Variants in SERGEF observed in about 807,000 individuals in gnomAD.
SERGEF encodes the protein secretion-regulating guanine nucleotide exchange factor.
SERGEF carries 51 observed loss-of-function variants against 50.0 expected under a neutral mutation model. That is an observed-to-expected ratio of 1.02 (90% CI 0.81 to 1.29). SERGEF has a LOEUF of 1.29. Among genes scored for constraint, SERGEF ranks in the 50% most tolerant of loss-of-function variants. SERGEF has a pLI of 0.00. For synonymous variants in SERGEF, 205 were observed against 212.4 expected, an observed-to-expected ratio of 0.97 and a Z score of 0.30; for missense variants, 521 against 557.0, an observed-to-expected ratio of 0.94 and a Z score of 0.65.
intron 7 of SERGEF, among the ~76,000 whole-genome samples, chr11:17,989,044 A>G (rs904953288): frequency 9.9e-5 from 15 of 152,234 alleles, no homozygotes; most frequent in African/African-American, 3.6e-4. Flanking sequence ...TTTATGCAAC[A>G]TCTACCATGT....
At chr11:17,829,764 A>G (rs1850261534) in intron 10 of SERGEF, among the ~76,000 whole-genome samples, 1 of 152,228 alleles carries the variant, frequency 6.6e-6, no homozygotes, top group Non-Finnish European at 1.5e-5. Context: ...TAGGGGTGAC[A>G]ATGTAAACTA....
intron 9 of SERGEF, among the ~76,000 whole-genome samples, chr11:17,915,338 T>C (rs1433930976): frequency 6.6e-6 from 1 of 152,182 alleles, no homozygotes; most frequent in African/African-American, 2.4e-5. Flanking sequence ...CATCACAAGA[T>C]CACAGAATAT....
intron 9 of SERGEF, among the ~76,000 whole-genome samples, chr11:17,955,123 T>C (rs566646432): frequency 6.6e-6 from 1 of 152,360 alleles, no homozygotes; most frequent in Admixed American, 6.5e-5. Context: ...GTTTATGTTG[T>C]CCCTCGGCCT....
At chr11:17,992,504 C>G (rs1243017573) in intron 7 of SERGEF, among the ~76,000 whole-genome samples, 1 of 152,040 alleles carries the variant, frequency 6.6e-6, no homozygotes, top group East Asian at 1.9e-4. Flanking sequence ...CCCTCATAAT[C>G]GTAGGTATAT....
At chr11:17,804,034 C>CT (rs1421318407) in intron 10 of SERGEF, among the ~76,000 whole-genome samples, 1 of 152,206 alleles carries the variant, frequency 6.6e-6, no homozygotes, top group Non-Finnish European at 1.5e-5. Context: ...GATCAGACAC[C>CT]TAGTGGGGCC....
intron 1 of SERGEF, 67 bp from the exon 2 acceptor site, chr11:18,008,143 C>CT (rs1854122913): frequency 6.8e-7 from 1 of 1,464,148 alleles, no homozygotes. Context: ...ATTTACCTGT[C>CT]TCTGTCTCTC....
chr11:17,909,328 T>C (rs61882450), intron 9 of SERGEF, among the ~76,000 whole-genome samples: 21,199 of 152,274 alleles, frequency 0.14, 1,922 homozygotes, highest in Middle Eastern at 0.27. Flanking sequence ...GGCCAGAAGC[T>C]GTCTCTTCTG....
intron 1 of SERGEF, 132 bp downstream of exon 1, chr11:18,012,819 C>G: frequency 2.0e-6 from 3 of 1,514,064 alleles, no homozygotes; most frequent in South Asian, 1.2e-5. Context: ...GCTCCCAGCC[C>G]AGGATCCTTC....
chr11:17,873,506 C>T (rs913807992), intron 10 of SERGEF, among the ~76,000 whole-genome samples: 2 of 152,110 alleles, frequency 1.3e-5, no homozygotes, highest in African/African-American at 4.8e-5. Context: ...TAAATTCTTA[C>T]ATGAAATTGC....
At chr11:17,957,407 G>T (rs1389733222) in intron 9 of SERGEF, among the ~76,000 whole-genome samples, 1 of 152,122 alleles carries the variant, frequency 6.6e-6, no homozygotes, top group Non-Finnish European at 1.5e-5. Context: ...CTTGCCAATA[G>T]AACTAGAGAC....
At chr11:17,946,745 T>A (rs552341785) in intron 9 of SERGEF, among the ~76,000 whole-genome samples, 1 of 152,346 alleles carries the variant, frequency 6.6e-6, no homozygotes, top group South Asian at 2.1e-4. Context: ...AATGGAGCAA[T>A]GCAGATTGAA....
intron 10 of SERGEF, among the ~76,000 whole-genome samples, chr11:17,841,171 T>C (rs1590148663): frequency 2.6e-5 from 4 of 152,112 alleles, no homozygotes; most frequent in Admixed American, 2.6e-4. Flanking sequence ...TGGATCTGGG[T>C]CACATTTCTC....
chr11:17,829,311 T>C (rs1021433168), intron 10 of SERGEF, among the ~76,000 whole-genome samples: 3 of 152,232 alleles, frequency 2.0e-5, no homozygotes, highest in East Asian at 3.8e-4. Flanking sequence ...ACTGCTAAAG[T>C]GCAGATTCCG....
intron 10 of SERGEF, among the ~76,000 whole-genome samples, chr11:17,836,330 C>T (rs768058276): frequency 6.6e-6 from 1 of 152,210 alleles, no homozygotes; most frequent in Non-Finnish European, 1.5e-5. Flanking sequence ...TGGATCACTA[C>T]AGGTATATGG....
Position 17,995,867 on chromosome 11 carries a change from C to A in SERGEF, c.551G>T (p.Cys184Phe), listed in dbSNP as rs1379608552. 1 of 1,613,968 alleles carries A rather than the reference C, an allele frequency of 6.2e-7. No individual in the cohort carries two copies. The highest frequency in any genetic ancestry group is 1.3e-5 in the African/African-American group (1 of 74,916). The part of the protein sequence containing the change: ...VFQWGTGLAS[C>F]GRRLCPGQTL... ...CTGCCCAGGGCACAACCGTCGTCCA[C>A]ATGATGCCAAACCAGTCCCCCACTG... Residue 184 changes from cysteine (C) to phenylalanine (F), a missense_variant, in exon 6 of 11, where the codon TGT becomes TTT. Cys to Phe is a radical substitution (Grantham distance 205). Coordinates refer to ENST00000265965, the MANE Select transcript of SERGEF (RefSeq NM_012139.4).
intron 9 of SERGEF, among the ~76,000 whole-genome samples, chr11:17,916,141 C>G (rs1335638755): frequency 6.6e-6 from 1 of 152,124 alleles, no homozygotes; most frequent in Non-Finnish European, 1.5e-5. Context: ...ACTTTCCAAA[C>G]AAAATGCTCA....
chr11:17,847,418 A>T (rs569688499), intron 10 of SERGEF, among the ~76,000 whole-genome samples: 2 of 152,222 alleles, frequency 1.3e-5, no homozygotes, highest in African/African-American at 2.4e-5. Context: ...GACAGAACTG[A>T]ATTGAAACAC....
Position 17,927,634 on chromosome 11 carries a change from G to A in SERGEF, c.1011+31836C>T, listed in dbSNP as rs1852276127. Among the ~76,000 whole-genome samples the A allele has an allele frequency of 2.0e-5, 3 of 152,206 alleles. No homozygotes were observed. The South Asian group carries it at 6.2e-4, about 32-fold the overall frequency. ...CCTTTGTAAAGTCACAGTCTCAGAT[G>A]TGATGATCCATTTATAAAGCCCCGT... On this transcript the variant is annotated intron_variant, in intron 9 of 10. Coordinates refer to ENST00000265965, the MANE Select transcript of SERGEF (RefSeq NM_012139.4).
chr11:17,968,138 C>T (rs1853165958), intron 8 of SERGEF, among the ~76,000 whole-genome samples: 1 of 152,150 alleles, frequency 6.6e-6, no homozygotes. Flanking sequence ...CTCAGTATTC[C>T]CCACAGCACC....
Sources: gnomAD v4.1 joint callset for allele counts (sites outside exome capture counted in the v4.1 genomes callset) on GRCh38, gnomAD v4.1.1 for gene constraint, MANE v1.5 for transcripts, NCBI Gene and HGNC (gene_info 2026-07-23, HGNC 2026-07-21) for gene names.